ZNF37A: variants seen among roughly 807,000 people sequenced by gnomAD.
ZNF37A encodes zinc finger protein 37A.
ZNF37A carries 10 observed loss-of-function variants against 12.3 expected under a neutral mutation model. That is an observed-to-expected ratio of 0.82 (90% CI 0.50 to 1.38). The LOEUF (loss-of-function observed/expected upper bound fraction) is 1.38. ZNF37A is among the 40% of genes most tolerant of loss of function. ZNF37A has a pLI of 0.00. For synonymous variants in ZNF37A, 207 were observed against 223.0 expected, an observed-to-expected ratio of 0.93 and a Z score of 0.64; for missense variants, 580 against 651.2, an observed-to-expected ratio of 0.89 and a Z score of 1.19.
At chr10:38,103,538 G>A (rs552801947) in intron 5 of ZNF37A, among the ~76,000 whole-genome samples, 10 of 152,138 alleles carry the variant, frequency 6.6e-5, no homozygotes, top group Non-Finnish European at 1.3e-4. Flanking sequence ...AGTATCAAAG[G>A]TGTCTTTGAG....
At position 38,115,181 on chromosome 10, in the gene ZNF37A, A is replaced by G. The variant is rs143180849; in HGVS notation, c.143-14A>G. 2.5e-4 allele frequency: 397 copies of G among 1,611,910 alleles called. 1 individual carries two copies. In the African/African-American group the frequency reaches 4.9e-3, roughly 20 times the overall value. On this transcript the variant is annotated splice_polypyrimidine_tract_variant and intron_variant, in intron 6 of 7. Coordinates refer to ENST00000685332, the MANE Select transcript of ZNF37A (RefSeq NM_001324250.3). ...CACCCAGTTTGTCCCAAGTAATACA[A>G]TTCTCATTCACAGGGTATTGCATTC...
chr10:38,096,519 G>T, intron 4 of ZNF37A, 55 bp from the exon 5 acceptor site: 1 of 1,311,684 alleles, frequency 7.6e-7, no homozygotes, highest in Non-Finnish European at 1.1e-6. Context: ...TGCCGGCTGC[G>T]AAGTGGACCT....
At chr10:38,115,504 T>A (rs916405248) in intron 7 of ZNF37A, 12 of 509,782 alleles carry the variant, frequency 2.4e-5, no homozygotes, top group South Asian at 1.7e-4. Flanking sequence ...TTGTTTTTTT[T>A]AAATTGTGAT....
chr10:38,094,768 G>C (rs1322314636), intron 1 of ZNF37A, among the ~76,000 whole-genome samples, 163 bp from the exon 2 acceptor site: 12 of 152,156 alleles, frequency 7.9e-5, no homozygotes, highest in Non-Finnish European at 1.5e-4. Context: ...TCAGAATCTC[G>C]CTGTCCTCAC....
At chr10:38,145,496 AC>A (rs2070241029) in intron 7 of ZNF37A, among the ~76,000 whole-genome samples, 1 of 152,078 alleles carries the variant, frequency 6.6e-6, no homozygotes, top group Non-Finnish European at 1.5e-5. Context: ...CTAACAATGG[AC>A]CTGTTATTAT....
chr10:38,094,744 C>T (rs1442503922), intron 1 of ZNF37A, among the ~76,000 whole-genome samples, 187 bp from the exon 2 acceptor site: 1 of 152,376 alleles, frequency 6.6e-6, no homozygotes, highest in South Asian at 2.1e-4. Context: ...GCGCGCTTCT[C>T]TCATTCTTTC....
At chr10:38,130,482 A>G (rs945087569), downstream of ZNF37A, among the ~76,000 whole-genome samples, 17 of 151,842 alleles carry the variant, frequency 1.1e-4, no homozygotes, top group African/African-American at 3.6e-4. Flanking sequence ...TTTTTTTGAG[A>G]CAGAGTCTTG....
chr10:38,138,266 G>C (rs1341290302), intron 7 of ZNF37A: 1 of 152,194 alleles, frequency 6.6e-6, no homozygotes, highest in South Asian at 2.1e-4. Context: ...AAAGCAATGA[G>C]TGCCTTCTGG....
intron 6 of ZNF37A, 80 bp from the exon 7 acceptor site, chr10:38,115,115 G>GTGTGTC: frequency 9.5e-7 from 1 of 1,054,024 alleles, no homozygotes; most frequent in African/African-American, 1.8e-5. Flanking sequence ...GTGTGTGTGT[G>GTGTGTC]TACTGTTTGG....
intron 7 of ZNF37A, among the ~76,000 whole-genome samples, chr10:38,131,319 A>G (rs2070023991): frequency 6.6e-6 from 1 of 152,126 alleles, no homozygotes; most frequent in Admixed American, 6.6e-5. Context: ...TGAGAGCTTT[A>G]TAGTTTTAGG....
At chr10:38,142,998 A>C (rs1435641897) in intron 7 of ZNF37A, 1 of 152,162 alleles carries the variant, frequency 6.6e-6, no homozygotes, top group African/African-American at 2.4e-5. Context: ...TCCTGATGTT[A>C]TGTTTCCTTA....
rs1330897153 is a variant in ZNF37A, at chr10:38,117,682, T to C, written c.531T>C (p.Thr177=). 1 of 1,613,806 alleles carries C rather than the reference T, an allele frequency of 6.2e-7. No homozygotes were observed. Among genetic ancestry groups the C allele is most frequent in the African/African-American group, 1.3e-5 (1 of 74,894 alleles). ...GYTGQKTCKY[T]EHGKTCDMSF... is the part of the protein sequence containing the mutation. ...CAGGACAGAAAACCTGCAAATATAC[T>C]GAACATGGGAAAACCTGTGATATGT... The change falls in exon 8 of 8, where the codon ACT becomes ACC. Residue 177 remains threonine, a synonymous_variant. Transcript: ENST00000685332.
Position 38,119,228 on chromosome 10 carries a change from G to A in ZNF37A, c.*391G>A, listed in dbSNP as rs1004257240. ...ACACACTTGGAGAAACCTTTTGGGT[G>A]TAATGAATGTGGGAAAACCTTTCAT... is the stretch of plus-strand genomic sequence containing the variant. On this transcript the variant is annotated 3_prime_UTR_variant, in exon 8 of 8. Coordinates refer to ENST00000685332, the MANE Select transcript of ZNF37A (RefSeq NM_001324250.3). 2 of 1,035,832 alleles carry A rather than the reference G, an allele frequency of 1.9e-6. No homozygotes were observed. The highest frequency in any genetic ancestry group is 1.7e-5 in the African/African-American group (1 of 57,724). The allele number at this position is 1,035,832 out of a possible 1,614,324, so 64.2% of individuals were successfully genotyped here.
At chr10:38,097,576 T>A (rs2067244061) in intron 5 of ZNF37A, among the ~76,000 whole-genome samples, 1 of 78,884 alleles carries the variant, frequency 1.3e-5, no homozygotes, top group Admixed American at 1.9e-4. Context: ...AGAGTGAGAC[T>A]CTGTCTCAAA....
chr10:38,116,828 G>C (rs148951278), intron 7 of ZNF37A, among the ~76,000 whole-genome samples: 18 of 152,172 alleles, frequency 1.2e-4, no homozygotes. Context: ...AAACAATTGA[G>C]CCAGGTGCAG....
chr10:38,118,423 A>C lies in ZNF37A; in HGVS notation c.1272A>C (p.Ser424=). 6.2e-7 allele frequency: 1 copy of C among 1,614,034 alleles called. No homozygotes were observed. The highest frequency in any genetic ancestry group is 8.5e-7 in the Non-Finnish European group (1 of 1,179,994). Residue 424 remains serine (S), a synonymous_variant, in exon 8 of 8, where the codon TCA becomes TCC. Transcript: ENST00000685332. Reference sequence around the variant, plus strand: ...GTGGGAAGTCATTCTCTGAGAAGTCAACCCTTACTAAACATCTAAGAACTC... The same window carrying C: ...GTGGGAAGTCATTCTCTGAGAAGTCCACCCTTACTAAACATCTAAGAACTC... The part of the protein sequence containing the change: ...NECGKSFSEK[S]TLTKHLRTHT...
At chr10:38,115,066 AGTGTGTGTGTGT>A (rs56124182) in intron 6 of ZNF37A, 117 bp from the exon 7 acceptor site, 69,225 of 620,414 alleles carry the variant, frequency 0.11, 2,105 homozygotes, top group Admixed American at 0.18. Flanking sequence ...GATTAAATGA[AGTGTGTGTGTGT>A]GTGTGTGTGT....
At chr10:38,142,375 C>G (rs1455289118) in intron 7 of ZNF37A, 2 of 152,186 alleles carry the variant, frequency 1.3e-5, no homozygotes, top group African/African-American at 4.8e-5. Context: ...AGATGATTCA[C>G]AGGACACTAA....
At chr10:38,107,787 C>G (rs912043518) in intron 5 of ZNF37A, among the ~76,000 whole-genome samples, 5 of 152,048 alleles carry the variant, frequency 3.3e-5, no homozygotes, top group African/African-American at 7.2e-5. Flanking sequence ...GGGATCAATG[C>G]AACAAGAAGA....
Sources: allele counts gnomAD v4.1 joint callset (sites outside exome capture counted in the v4.1 genomes callset), GRCh38; gene constraint gnomAD v4.1.1; transcripts MANE v1.5; gene names NCBI Gene and HGNC (gene_info 2026-07-23, HGNC 2026-07-21).